Variants in RERE observed in about 807,000 individuals in gnomAD.
The protein encoded by RERE is arginine-glutamic acid dipeptide repeats protein.
A neutral mutation model predicts 146.1 loss-of-function variants in RERE; 40 were observed. The observed-to-expected ratio is 0.27, with a 90% CI of 0.21 to 0.36. The LOEUF is 0.36. Ranked by LOEUF, RERE falls within the 10% of genes least tolerant of loss-of-function variation. RERE has a pLI of 1.00. For synonymous variants in RERE, 1,003 were observed against 866.0 expected (o/e 1.16, Z -2.78); for missense variants, 1,933 against 2,138.7 (o/e 0.90, Z 1.90).
chr1:8,439,610 A>G (rs1311888526), intron 11 of RERE, among the ~76,000 whole-genome samples: 1 of 152,204 alleles, frequency 6.6e-6, no homozygotes, highest in East Asian at 1.9e-4. Context: ...TCTCCCTCAG[A>G]TGGAAAGGAG....
chr1:8,647,095 G>GT (rs1647349155), intron 2 of RERE, among the ~76,000 whole-genome samples: 1 of 152,108 alleles, frequency 6.6e-6, no homozygotes, highest in African/African-American at 2.4e-5. Context: ...TGAAAAAGAG[G>GT]TAACACGACC....
chr1:8,682,222 G>C (rs555799001), intron 1 of RERE, among the ~76,000 whole-genome samples: 2 of 152,192 alleles, frequency 1.3e-5, no homozygotes, highest in Admixed American at 6.5e-5. Flanking sequence ...TTATATTATA[G>C]GCTGTCTATA....
rs2124364436 is a variant in RERE at position 8,359,848 on chromosome 1, G to A, written c.3534C>T (p.Ala1178=). The change falls in exon 19 of 23, where the codon GCC becomes GCT. Residue 1178 remains alanine (A), a synonymous_variant. Transcript: ENST00000400908. ...CCTTCTCCCGCTCTCGCTCCTCTCG[G>A]GCTTTCTGCTCAGCCTCGCGCTTGG... ...EKAKREAEQK[A]REEREREKEK... 24 of 1,611,038 alleles carry A rather than the reference G, an allele frequency of 1.5e-5. No individual in the cohort carries two copies. The highest frequency in any genetic ancestry group is 1.8e-5 in the Non-Finnish European group (21 of 1,179,916).
intron 11 of RERE, among the ~76,000 whole-genome samples, chr1:8,432,009 T>G (rs1166714988): frequency 6.6e-6 from 1 of 152,210 alleles, no homozygotes; most frequent in Non-Finnish European, 1.5e-5. Flanking sequence ...CTCTGCCAAC[T>G]ACAGGGCCAC....
At chr1:8,804,996 G>GGTTTTT (rs1557553291) in intron 1 of RERE, among the ~76,000 whole-genome samples, 2 of 116,348 alleles carry the variant, frequency 1.7e-5, no homozygotes, top group African/African-American at 6.4e-5. Context: ...TTTTTGTTTT[G>GGTTTTT]TTTTGTTTTT....
chr1:8,502,205 G>A (rs1264530714), intron 8 of RERE, among the ~76,000 whole-genome samples: 1 of 86,784 alleles, frequency 1.2e-5, no homozygotes, highest in Non-Finnish European at 2.3e-5. Flanking sequence ...GTCCGGGAGG[G>A]AGGTGGGGGG....
chr1:8,653,169 G>A (rs1397094606), intron 2 of RERE, among the ~76,000 whole-genome samples: 1 of 152,168 alleles, frequency 6.6e-6, no homozygotes, highest in Non-Finnish European at 1.5e-5. Flanking sequence ...TCTCATGAGG[G>A]AGACTGTACA....
chr1:8,771,172 G>GT (rs1640941550), intron 1 of RERE, among the ~76,000 whole-genome samples: 2 of 152,162 alleles, frequency 1.3e-5, no homozygotes, highest in East Asian at 1.9e-4. Context: ...TAGCATAAAT[G>GT]TTTTTTAGAG....
At chr1:8,631,713 T>C (rs1353976875) in intron 2 of RERE, among the ~76,000 whole-genome samples, 1 of 152,214 alleles carries the variant, frequency 6.6e-6, no homozygotes, top group Non-Finnish European at 1.5e-5. Flanking sequence ...GTCCCTATCA[T>C]GAAAGTGAGT....
chr1:8,654,296 A>G (rs1349799456), intron 2 of RERE, among the ~76,000 whole-genome samples: 1 of 151,916 alleles, frequency 6.6e-6, no homozygotes, highest in Non-Finnish European at 1.5e-5. Flanking sequence ...TCAGCCTCTC[A>G]AAGTGCTGGG....
At chr1:8,750,963 G>A (rs1640522993) in intron 1 of RERE, 5 of 705,908 alleles carry the variant, frequency 7.1e-6, no homozygotes, top group African/African-American at 3.5e-5. Context: ...CTATCTCTTG[G>A]TAAATATGGC....
intron 1 of RERE, among the ~76,000 whole-genome samples, chr1:8,810,323 A>G (rs1205852350): frequency 6.6e-6 from 1 of 152,208 alleles, no homozygotes; most frequent in African/African-American, 2.4e-5. Flanking sequence ...AAATAAAATA[A>G]ATCCAGACAT....
chr1:8,683,668 C>T (rs760375099), intron 1 of RERE, among the ~76,000 whole-genome samples: 11 of 152,118 alleles, frequency 7.2e-5, no homozygotes, highest in Admixed American at 2.0e-4. Flanking sequence ...ATTGACCAGG[C>T]GCAGTGGCTC....
intron 11 of RERE, among the ~76,000 whole-genome samples, chr1:8,427,588 G>A (rs1308123746): frequency 7.2e-6 from 1 of 137,956 alleles, no homozygotes; most frequent in Non-Finnish European, 1.5e-5. Context: ...AGCTGTCAAT[G>A]TATGTCAATA....
chr1:8,804,874 T>C (rs1322275817), intron 1 of RERE, among the ~76,000 whole-genome samples: 5 of 152,204 alleles, frequency 3.3e-5, no homozygotes, highest in Non-Finnish European at 5.9e-5. Flanking sequence ...GTTTAAGCCA[T>C]TGTTATTTTT....
intron 6 of RERE, among the ~76,000 whole-genome samples, chr1:8,542,937 C>A (rs1557679882): frequency 6.6e-6 from 1 of 152,194 alleles, no homozygotes; most frequent in Non-Finnish European, 1.5e-5. Flanking sequence ...GGTTACTGAG[C>A]ACTTCAAACA....
At chr1:8,409,011 C>A (rs1219950189) in intron 12 of RERE, among the ~76,000 whole-genome samples, 1 of 152,180 alleles carries the variant, frequency 6.6e-6, no homozygotes, top group Non-Finnish European at 1.5e-5. Flanking sequence ...TACATTTATT[C>A]CTTGCCATCC....
At chr1:8,499,429 A>G (rs2124252653) in intron 8 of RERE, among the ~76,000 whole-genome samples, 1 of 152,372 alleles carries the variant, frequency 6.6e-6, no homozygotes, top group East Asian at 1.9e-4. Context: ...GAAGAACTCA[A>G]GAGTGAAGTG....
chr1:8,676,635 G>C (rs1486323077), intron 1 of RERE, among the ~76,000 whole-genome samples: 1 of 152,180 alleles, frequency 6.6e-6, no homozygotes, highest in African/African-American at 2.4e-5. Flanking sequence ...CAAGGCAAAA[G>C]TATCTCTGCC....
Sources: allele counts gnomAD v4.1 joint callset (sites outside exome capture counted in the v4.1 genomes callset), GRCh38; gene constraint gnomAD v4.1.1; transcripts MANE v1.5; gene names NCBI Gene and HGNC (gene_info 2026-07-23, HGNC 2026-07-21).